Variants in RALGAPA1 observed in about 807,000 individuals in gnomAD.
RALGAPA1 encodes the protein Ral GTPase activating protein catalytic subunit alpha 1.
A neutral mutation model predicts 269.6 loss-of-function variants in RALGAPA1; 52 were observed. That is an observed-to-expected ratio of 0.19 (90% CI 0.15 to 0.24). RALGAPA1 has a LOEUF of 0.24. RALGAPA1 is among the 10% of genes least tolerant of loss of function. RALGAPA1 has a pLI of 1.00. For missense variants in RALGAPA1, 1,917 were observed against 3,013.9 expected (o/e 0.64, Z 8.52); for synonymous variants, 817 against 1,008.3 (o/e 0.81, Z 3.60).
At chr14:35,648,127 A>C (rs1237609643) in intron 31 of RALGAPA1, among the ~76,000 whole-genome samples, 3 of 151,188 alleles carry the variant, frequency 2.0e-5, no homozygotes, top group African/African-American at 7.3e-5. Context: ...AAAACAAAAA[A>C]AAAAACCAAC....
intron 1 of RALGAPA1, among the ~76,000 whole-genome samples, chr14:35,796,838 T>C (rs12435439): frequency 6.6e-6 from 1 of 151,954 alleles, no homozygotes; most frequent in Non-Finnish European, 1.5e-5. Context: ...TGGAGTGCAG[T>C]GGCACGATCT....
intron 35 of RALGAPA1, among the ~76,000 whole-genome samples, chr14:35,621,830 G>A (rs1480581105): frequency 1.3e-5 from 2 of 152,202 alleles, no homozygotes; most frequent in African/African-American, 4.8e-5. Context: ...TCTCACAACA[G>A]TTAGAATGGC....
intron 33 of RALGAPA1, among the ~76,000 whole-genome samples, chr14:35,631,873 T>C (rs530371921): frequency 2.0e-5 from 3 of 152,248 alleles, no homozygotes; most frequent in East Asian, 3.9e-4. Context: ...AACCTACTTA[T>C]AAATAAACTC....
chr14:35,791,764 G>A (rs548102474), intron 1 of RALGAPA1, among the ~76,000 whole-genome samples: 47 of 151,508 alleles, frequency 3.1e-4, no homozygotes, highest in Middle Eastern at 3.4e-3. Flanking sequence ...AAATTAGCTC[G>A]GCGTGGTGGC....
At chr14:35,692,087 A>G (rs1276119701) in intron 17 of RALGAPA1, among the ~76,000 whole-genome samples, 1 of 152,126 alleles carries the variant, frequency 6.6e-6, no homozygotes, top group Non-Finnish European at 1.5e-5. Context: ...CTGCCATAAG[A>G]GATCATAAGA....
chr14:35,686,098 A>G (rs188024445), intron 19 of RALGAPA1, among the ~76,000 whole-genome samples: 3 of 151,570 alleles, frequency 2.0e-5, no homozygotes, highest in African/African-American at 7.2e-5. Context: ...TCTTGAGACA[A>G]AAATAAAAAT....
At chr14:35,691,269 G>A (rs962179456) in intron 17 of RALGAPA1, among the ~76,000 whole-genome samples, 4 of 151,944 alleles carry the variant, frequency 2.6e-5, no homozygotes, top group African/African-American at 9.7e-5. Flanking sequence ...GTGTCAGGAT[G>A]AAATAACCAT....
At chr14:35,540,675 A>G (rs894462436) in intron 41 of RALGAPA1, among the ~76,000 whole-genome samples, 16 of 152,344 alleles carry the variant, frequency 1.1e-4, no homozygotes, top group Admixed American at 2.6e-4. Context: ...TCTGAAAACA[A>G]TAACAGCAAG....
chr14:35,742,713 A>G (rs760985033), intron 10 of RALGAPA1, 148 bp from the exon 11 acceptor site: 3 of 651,650 alleles, frequency 4.6e-6, no homozygotes, highest in African/African-American at 1.9e-5. Flanking sequence ...TCATTTTGCC[A>G]TAAGCTAATT....
intron 35 of RALGAPA1, among the ~76,000 whole-genome samples, chr14:35,619,547 T>C (rs2060472733): frequency 6.6e-6 from 1 of 152,050 alleles, no homozygotes; most frequent in African/African-American, 2.4e-5. Flanking sequence ...TTCAAATAAA[T>C]CAATGAATCC....
chr14:35,610,021 A>T (rs1013167134), intron 35 of RALGAPA1, among the ~76,000 whole-genome samples: 1 of 151,714 alleles, frequency 6.6e-6, no homozygotes, highest in Admixed American at 6.6e-5. Context: ...GTGGAAATAA[A>T]TAAAATAGAA....
At chr14:35,552,950 G>C (rs1273309511) in intron 39 of RALGAPA1, among the ~76,000 whole-genome samples, 1 of 152,068 alleles carries the variant, frequency 6.6e-6, no homozygotes, top group East Asian at 1.9e-4. Flanking sequence ...TTGATTTTAA[G>C]CTTCAAGACC....
At position 35,654,471 on chromosome 14, in the gene RALGAPA1, T is replaced by C. The variant is rs2063043368; in HGVS notation, c.5503A>G (p.Asn1835Asp). The part of the protein sequence containing the change: ...NVICVSLKFT[N>D]KTVAHVACNM... Reference sequence around the variant, plus strand: ...CAAGCTACGTGGGCTACTGTTTTATTAGTAAACTGCAATAATAAAAAAAAA... The same window carrying C: ...CAAGCTACGTGGGCTACTGTTTTATCAGTAAACTGCAATAATAAAAAAAAA... The change falls in exon 30 of 42, where the codon AAT becomes GAT. Residue 1835 changes from asparagine to aspartate, a missense_variant. Asn to Asp is a conservative substitution (Grantham distance 23, BLOSUM62 1). This residue lies in a region of RALGAPA1 where 346 missense variants were observed against 566.1 expected (regional missense o/e 0.61). Coordinates refer to ENST00000680220, the MANE Select transcript of RALGAPA1 (RefSeq NM_001346249.2). 1.9e-6 allele frequency: 3 copies of C among 1,597,610 alleles called. No individual in the cohort carries two copies. The highest frequency in any genetic ancestry group is 1.4e-5 in the African/African-American group (1 of 73,936).
chr14:35,655,791 A>G lies in RALGAPA1; in HGVS notation c.5496+16T>C, dbSNP rs752016736. On this transcript the variant is annotated intron_variant, in intron 29 of 41. Coordinates refer to ENST00000680220, the MANE Select transcript of RALGAPA1 (RefSeq NM_001346249.2). Reference sequence around the variant, plus strand: ...CTCTCCTATCTTAATATATTTCACTAAACAGTTTTCTTTACCTTTAAGGAA... The same window carrying G: ...CTCTCCTATCTTAATATATTTCACTGAACAGTTTTCTTTACCTTTAAGGAA... 18 of 1,609,334 alleles carry G rather than the reference A, an allele frequency of 1.1e-5. No individual in the cohort carries two copies. The highest frequency in any genetic ancestry group is 2.2e-5 in the South Asian group (2 of 89,846).
chr14:35,747,731 A>G (rs2072254412), intron 10 of RALGAPA1, among the ~76,000 whole-genome samples: 1 of 152,198 alleles, frequency 6.6e-6, no homozygotes, highest in Non-Finnish European at 1.5e-5. Flanking sequence ...CCTCAGCTGC[A>G]AAACTCAATG....
intron 36 of RALGAPA1, among the ~76,000 whole-genome samples, chr14:35,604,073 C>T (rs2059441067): frequency 6.6e-6 from 1 of 152,060 alleles, no homozygotes. Flanking sequence ...CTGATCACTA[C>T]ACATTGTATG....
intron 14 of RALGAPA1, among the ~76,000 whole-genome samples, chr14:35,724,042 A>G (rs1258948802): frequency 6.6e-6 from 1 of 152,188 alleles, no homozygotes; most frequent in African/African-American, 2.4e-5. Flanking sequence ...TATAGTAACT[A>G]CTGACCTCCC....
At chr14:35,720,894 A>T (rs966076493) in intron 16 of RALGAPA1, among the ~76,000 whole-genome samples, 35 of 152,158 alleles carry the variant, frequency 2.3e-4, no homozygotes, top group Non-Finnish European at 7.3e-5. Context: ...GATCCAACAA[A>T]GGCAACAGAG....
chr14:35,748,832 A>G lies in RALGAPA1; in HGVS notation c.1012-8T>C. 6.6e-7 allele frequency: 1 copy of G among 1,508,064 alleles called. No homozygotes were observed. The highest frequency in any genetic ancestry group is 1.3e-5 in the South Asian group (1 of 75,682). 93.4% of individuals were successfully genotyped at this position (1,508,064 alleles called of 1,614,324 possible). The stretch of plus-strand genomic sequence containing the variant: ...TAAACTAGCAGCTGCTCTCTAAAAT[A>G]CAAAAAAAAAAAAAAAAGAGAGAAA... On this transcript the variant is annotated splice_region_variant and splice_polypyrimidine_tract_variant and intron_variant, in intron 9 of 41. Coordinates refer to ENST00000680220, the MANE Select transcript of RALGAPA1 (RefSeq NM_001346249.2).
Sources: gnomAD v4.1 joint callset for allele counts (sites outside exome capture counted in the v4.1 genomes callset) on GRCh38, gnomAD v4.1.1 for gene constraint, gnomAD v4.1.1 regional missense constraint, MANE v1.5 for transcripts, NCBI Gene and HGNC (gene_info 2026-07-23, HGNC 2026-07-21) for gene names.